Variants in SHANK1 observed in about 807,000 individuals in gnomAD.
SHANK1 encodes the protein SH3 and multiple ankyrin repeat domains 1.
Under a neutral mutation model 165.6 loss-of-function variants are expected in SHANK1, and 35 were observed. That is an observed-to-expected ratio of 0.21 (90% CI 0.16 to 0.28). SHANK1 has a LOEUF of 0.28. Ranked by LOEUF, SHANK1 falls within the 10% of genes least tolerant of loss-of-function variation. The probability of loss-of-function intolerance (pLI) is 1.00; values close to 1 mark genes in which losing one functional copy is unlikely to be tolerated. For missense variants in SHANK1, 2,681 were observed against 3,036.4 expected (o/e 0.88, Z 2.75); for synonymous variants, 1,428 against 1,384.8 (o/e 1.03, Z -0.69).
In SHANK1 at chr19:50,702,578, TCCCGCGGCTGCCCAGGGAGCC is replaced by T; in HGVS notation, c.1615_1635del (p.Gly539_Gly545del). 1 of 1,609,648 alleles carries T rather than the reference TCCCGCGGCTGCCCAGGGAGCC, an allele frequency of 6.2e-7. No homozygotes were observed. The highest frequency in any genetic ancestry group is 8.5e-7 in the Non-Finnish European group (1 of 1,178,402). ...ACCGCTGAGTAGAGCTTCCTCCGCC[TCCCGCGGCTGCCCAGGGAGCC>T]CCCGGGGCCCCCTGAGCCCCCCGTG... On this transcript the variant is annotated inframe_deletion, in exon 12 of 24. Coordinates refer to ENST00000293441, the MANE Select transcript of SHANK1 (RefSeq NM_016148.5). The surrounding 1 kb of genome is among the most constrained non-coding windows in gnomAD (Gnocchi z 5.3).
At chr19:50,695,430 G>T (rs1278669069) in intron 15 of SHANK1, among the ~76,000 whole-genome samples, 2 of 150,322 alleles carry the variant, frequency 1.3e-5, no homozygotes, top group Non-Finnish European at 3.0e-5. Flanking sequence ...GGCCGGGAGG[G>T]GAACGCGGGG....
At chr19:50,689,165 C>A (rs1214220376) in intron 16 of SHANK1, 32 bp downstream of exon 16, 4 of 1,551,148 alleles carry the variant, frequency 2.6e-6, no homozygotes, top group Non-Finnish European at 3.6e-6. Flanking sequence ...TCACAGAGCC[C>A]TTCTCCCATC....
rs761434836 is a variant in SHANK1 at position 50,667,376 on chromosome 19, G to T, written c.4584C>A (p.Pro1528=). The T allele has an allele frequency of 7.2e-6, 11 of 1,533,234 alleles. No individual in the cohort carries two copies. Among genetic ancestry groups the T allele is most frequent in the South Asian group, 1.2e-5 (1 of 80,036 alleles). 95.0% of individuals were successfully genotyped at this position (1,533,234 alleles called of 1,614,324 possible). ...TGGCCCTCGGGGAGGTCGGGGAGGG[G>T]GGCACGGACCGGCGTGGGCTGGGCG... ...VPPPSPRRSV[P]PSPTSPRASE... is the part of the protein sequence containing the mutation. The change falls in exon 23 of 24, where the codon CCC becomes CCA. Residue 1528 remains proline (P), a synonymous_variant. Transcript: ENST00000293441. The surrounding 1 kb of genome is among the most constrained non-coding windows in gnomAD (Gnocchi z 5.7).
chr19:50,661,752 CA>C lies in SHANK1; in HGVS notation c.*212del. ...CCGCTCCCCGCTTCACACACACACACACACTCTTGTGTCAGCTGCCCCCCTT... is the reference window on the plus strand; with the variant it reads ...CCGCTCCCCGCTTCACACACACACACCACTCTTGTGTCAGCTGCCCCCCTT... On this transcript the variant is annotated 3_prime_UTR_variant, in exon 24 of 24. Coordinates refer to ENST00000293441, the MANE Select transcript of SHANK1 (RefSeq NM_016148.5). 3.4e-6 allele frequency: 2 copies of C among 595,190 alleles called. No individual in the cohort carries two copies. The highest frequency in any genetic ancestry group is 6.0e-6 in the Non-Finnish European group (2 of 334,464). 36.9% of individuals were successfully genotyped at this position (595,190 alleles called of 1,614,324 possible).
At position 50,704,111 on chromosome 19, in the gene SHANK1, G is replaced by A. The variant is rs749221596; in HGVS notation, c.1222+9C>T. 6.2e-7 allele frequency: 1 copy of A among 1,613,106 alleles called. No individual in the cohort carries two copies. The highest frequency in any genetic ancestry group is 1.1e-5 in the South Asian group (1 of 91,026). ...GTTCTCTGTGCAGTCCGAGCTCCCT[G>A]TCACTCACCCACATCCTGTTCTCGG... On this transcript the variant is annotated intron_variant, in intron 10 of 23. Coordinates refer to ENST00000293441, the MANE Select transcript of SHANK1 (RefSeq NM_016148.5).
Position 50,713,685 on chromosome 19 carries a change from G to T in SHANK1, c.792+113C>A. The T allele has an allele frequency of 1.5e-6, 2 of 1,356,870 alleles. No homozygotes were observed. The highest frequency in any genetic ancestry group is 1.3e-5 in the South Asian group (1 of 77,280). The allele number at this position is 1,356,870 out of a possible 1,614,324, so 84.1% of individuals were successfully genotyped here. A position where few individuals can be genotyped will look rare whatever the true frequency, so the allele number is the denominator to read the frequency against. On this transcript the variant is annotated intron_variant, in intron 6 of 23. Transcript: ENST00000293441. This position sits in a 1 kb window ranked among gnomAD's most constrained non-coding sequence, Gnocchi z 6.2. ...TCTATGGAAAGGGGCTTTGAACTGG[G>T]GACATGAGAGGGCCTATTTTTAACT...
Position 50,690,628 on chromosome 19 carries a change from A to G in SHANK1, c.1965-1349T>C, listed in dbSNP as rs1986509500. Among the ~76,000 whole-genome samples the G allele has an allele frequency of 6.6e-6, 1 of 152,048 alleles. No individual in the cohort carries two copies. The highest frequency in any genetic ancestry group is 2.4e-5 in the African/African-American group (1 of 41,382). ...ATCCCAGTAACATCCATGTGGCCCT[A>G]ATACACTCCAATCATAGCCAAGCAT... is the stretch of plus-strand genomic sequence containing the variant. On this transcript the variant is annotated intron_variant, in intron 15 of 23. Coordinates refer to ENST00000293441, the MANE Select transcript of SHANK1 (RefSeq NM_016148.5). This position sits in a 1 kb window ranked among gnomAD's most constrained non-coding sequence, Gnocchi z 4.9.
At position 50,697,856 on chromosome 19, in the gene SHANK1, C is replaced by T. The variant is rs1254456794; in HGVS notation, c.1848G>A (p.Gln616=). Residue 616 remains glutamine (Q), a synonymous_variant, in exon 13 of 24, where the codon CAG becomes CAA. Transcript: ENST00000293441. This position sits in a 1 kb window ranked among gnomAD's most constrained non-coding sequence, Gnocchi z 4.7. Reference sequence around the variant, plus strand: ...GTTCCGCATTACCTTGCTTGCTCTCCTGAGAGCGATTCGCCACTTCTTCCA... The same window carrying T: ...GTTCCGCATTACCTTGCTTGCTCTCTTGAGAGCGATTCGCCACTTCTTCCA... ...DCLEEVANRS[Q]ESKQESRSDK... 10 of 1,613,296 alleles carry T rather than the reference C, an allele frequency of 6.2e-6. No homozygotes were observed. The South Asian group carries it at 8.8e-5, about 14-fold the overall frequency.
At chr19:50,705,371 C>T (rs1366725920) in intron 8 of SHANK1, among the ~76,000 whole-genome samples, 2 of 152,114 alleles carry the variant, frequency 1.3e-5, no homozygotes, top group South Asian at 2.1e-4. Flanking sequence ...TGTATTGATT[C>T]TATGTTGAAA....
chr19:50,695,396 G>A (rs1044888271), intron 15 of SHANK1, among the ~76,000 whole-genome samples: 2 of 148,396 alleles, frequency 1.3e-5, no homozygotes, highest in Non-Finnish European at 3.0e-5. Flanking sequence ...CCGGGCGGCG[G>A]AGGGGGCCGG....
At chr19:50,689,166 T>C (rs1986460848) in intron 16 of SHANK1, 31 bp downstream of exon 16, 1 of 1,554,844 alleles carries the variant, frequency 6.4e-7, no homozygotes, top group Non-Finnish European at 8.9e-7. Flanking sequence ...CACAGAGCCC[T>C]TCTCCCATCC....
chr19:50,710,395 A>G (rs957045413), intron 8 of SHANK1, among the ~76,000 whole-genome samples: 1 of 152,190 alleles, frequency 6.6e-6, no homozygotes, highest in Non-Finnish European at 1.5e-5. Context: ...CTGACAGACC[A>G]GCTCTGTCAT....
At chr19:50,703,892 A>T in intron 10 of SHANK1, 62 bp from the exon 11 acceptor site, 1 of 726,598 alleles carries the variant, frequency 1.4e-6, no homozygotes, top group Non-Finnish European at 2.2e-6. Flanking sequence ...GCAGGGGGCC[A>T]TGCGGGGGCA....
At position 50,688,988 on chromosome 19, in the gene SHANK1, G is replaced by A. The variant is rs778554117; in HGVS notation, c.2048-20C>T. On this transcript the variant is annotated intron_variant, in intron 16 of 23. Transcript: ENST00000293441. This position sits in a 1 kb window ranked among gnomAD's most constrained non-coding sequence, Gnocchi z 6.7. ...TCTGCGCTGCAGACAGGGAGGAGCC[G>A]GCGGGGTCGGAGGGGAGGGGGTGGA... 1.8e-5 allele frequency: 28 copies of A among 1,526,910 alleles called. No homozygotes were observed. The highest frequency in any genetic ancestry group is 2.1e-4 in the Middle Eastern group (1 of 4,732). 94.6% of individuals were successfully genotyped at this position (1,526,910 alleles called of 1,614,324 possible).
chr19:50,717,096 A>G lies in SHANK1; in HGVS notation c.-43-134T>C, dbSNP rs974115810. On this transcript the variant is annotated intron_variant, in intron 1 of 23. Transcript: ENST00000293441. The surrounding 1 kb of genome is among the most constrained non-coding windows in gnomAD (Gnocchi z 5.5). ...GATAGGCAGGAAGGAGGCTGGACAC[A>G]CCCTCGGCCTGCACGGCCTCCCCTG... 7 of 669,300 alleles carry G rather than the reference A, an allele frequency of 1.0e-5. No individual in the cohort carries two copies. Among genetic ancestry groups the G allele is most frequent in the Non-Finnish European group, 1.5e-5 (7 of 457,246 alleles). 41.5% of individuals were successfully genotyped at this position (669,300 alleles called of 1,614,324 possible). A position where few individuals can be genotyped will look rare whatever the true frequency, so the allele number is the denominator to read the frequency against.
chr19:50,719,039 G>A (rs183024062), intron 1 of SHANK1, among the ~76,000 whole-genome samples: 3,174 of 151,592 alleles, frequency 0.021, 54 homozygotes, highest in Middle Eastern at 0.031. Flanking sequence ...TGACCTGGCG[G>A]AGGGGCCCAG....
chr19:50,698,498 G>A (rs924326956), intron 12 of SHANK1, among the ~76,000 whole-genome samples: 13 of 152,062 alleles, frequency 8.5e-5, no homozygotes, highest in Admixed American at 3.9e-4. Context: ...TCCCCTAATG[G>A]AAGCGGCTTC....
chr19:50,688,967 C>A lies in SHANK1; in HGVS notation c.2049G>T (p.Ala683=). ...GFGFVLRGAK[A]QTPIEEFTPT... is the part of the protein sequence containing the mutation. ...GGGTGAACTCCTCGATGGGGGTCTG[C>A]GCTGCAGACAGGGAGGAGCCGGCGG... The change falls in exon 17 of 24, where the codon GCG becomes GCT. Residue 683 remains alanine (A), a splice_region_variant and synonymous_variant. Transcript: ENST00000293441. This position sits in a 1 kb window ranked among gnomAD's most constrained non-coding sequence, Gnocchi z 6.7. The A allele has an allele frequency of 2.6e-6, 4 of 1,544,292 alleles. No homozygotes were observed. Among genetic ancestry groups the A allele is most frequent in the Non-Finnish European group, 3.5e-6 (4 of 1,141,088 alleles).
Position 50,662,768 on chromosome 19 carries a change from A to G in SHANK1, c.5769-86T>C. The G allele has an allele frequency of 6.9e-7, 1 of 1,443,988 alleles. No individual in the cohort carries two copies. The highest frequency in any genetic ancestry group is 9.4e-7 in the Non-Finnish European group (1 of 1,058,424). The allele number at this position is 1,443,988 out of a possible 1,614,324, so 89.4% of individuals were successfully genotyped here. On this transcript the variant is annotated intron_variant, in intron 23 of 23. Transcript: ENST00000293441. The surrounding 1 kb of genome is among the most constrained non-coding windows in gnomAD (Gnocchi z 7.7). ...GAGAAAGAGGCAGAGGTCAAGATATAGGGAGAGAGGAGGAGAGACATAAGG... is the reference window on the plus strand; with the variant it reads ...GAGAAAGAGGCAGAGGTCAAGATATGGGGAGAGAGGAGGAGAGACATAAGG...
Sources: gnomAD v4.1 joint callset for allele counts (sites outside exome capture counted in the v4.1 genomes callset) on GRCh38, gnomAD v4.1.1 for gene constraint, Gnocchi (gnomAD v3.1) non-coding constraint, MANE v1.5 for transcripts, NCBI Gene and HGNC (gene_info 2026-07-23, HGNC 2026-07-21) for gene names.